Variants in PHF19 observed in about 807,000 individuals in gnomAD.
The protein encoded by PHF19 is PHD finger protein 19, also known as polycomb like 3.
PHF19 carries 21 observed loss-of-function variants against 79.8 expected under a neutral mutation model. That is an observed-to-expected ratio of 0.26 (90% CI 0.19 to 0.38). The LOEUF is 0.38. PHF19 is among the 10% of genes least tolerant of loss of function. The pLI, the probability that PHF19 is intolerant of heterozygous loss-of-function variation, is 1.00. For synonymous variants in PHF19, 273 were observed against 296.3 expected (o/e 0.92, Z 0.81); for missense variants, 445 against 744.2 (o/e 0.60, Z 4.68).
chr9:120,872,083 T>TCATCTCTG (rs2045920728), intron 3 of PHF19, among the ~76,000 whole-genome samples: 1 of 140,886 alleles, frequency 7.1e-6, no homozygotes, highest in Admixed American at 7.1e-5. Context: ...TGGTACCTCT[T>TCATCTCTG]CATCTCTGTA....
In PHF19 at chr9:120,860,086, T is replaced by G; in HGVS notation, c.1400+4A>C. 1 of 1,533,584 alleles carries G rather than the reference T, an allele frequency of 6.5e-7. No individual in the cohort carries two copies. The highest frequency in any genetic ancestry group is 9.0e-7 in the Non-Finnish European group (1 of 1,117,020). The allele number at this position is 1,533,584 out of a possible 1,614,324, so 95.0% of individuals were successfully genotyped here. On this transcript the variant is annotated splice_donor_region_variant and intron_variant, in intron 14 of 14. Coordinates refer to ENST00000373896, the MANE Select transcript of PHF19 (RefSeq NM_015651.3). This position sits in a 1 kb window ranked among gnomAD's most constrained non-coding sequence, Gnocchi z 4.1. ...TGTGAAGGCCAGACCTCTAGGAAGCTCACCTGGAGTCATAGGAGAGGCTGG... is the reference window on the plus strand; with the variant it reads ...TGTGAAGGCCAGACCTCTAGGAAGCGCACCTGGAGTCATAGGAGAGGCTGG...
upstream of PHF19, among the ~76,000 whole-genome samples, chr9:120,881,724 A>G (rs1481810533): frequency 1.3e-5 from 2 of 152,158 alleles, no homozygotes; most frequent in Non-Finnish European, 2.9e-5. Context: ...TACAGTGCAC[A>G]GTGTCCCCTC....
In PHF19 at chr9:120,862,697, T is replaced by C. The variant is rs746842572; in HGVS notation, c.1021A>G (p.Ile341Val). ...KKKKCIFRLR[I>V]RVPPNPPGKL... The stretch of plus-strand genomic sequence containing the variant: ...CCTGGCGGGTTGGGTGGGACGCGGA[T>C]GCGCAGGCGGAAGATGCACTTCTTC... The change falls in exon 11 of 15, where the codon ATC (isoleucine) becomes GTC (valine). Residue 341 changes from isoleucine (I) to valine (V), a missense_variant. Physicochemically the swap from Ile to Val is conservative, Grantham distance 29 (BLOSUM62 3). This residue lies in a region of PHF19 where 83 missense variants were observed against 85.5 expected (regional missense o/e 0.97). Transcript: ENST00000373896. This position sits in a 1 kb window ranked among gnomAD's most constrained non-coding sequence, Gnocchi z 4.6. The C allele has an allele frequency of 3.7e-6, 6 of 1,614,074 alleles. No homozygotes were observed. The African/African-American group carries it at 4.0e-5, about 11-fold the overall frequency.
Position 120,860,358 on chromosome 9 carries a change from T to C in PHF19, c.1305-173A>G. On this transcript the variant is annotated intron_variant, in intron 13 of 14. Coordinates refer to ENST00000373896, the MANE Select transcript of PHF19 (RefSeq NM_015651.3). The surrounding 1 kb of genome is among the most constrained non-coding windows in gnomAD (Gnocchi z 4.1). Reference sequence around the variant, plus strand: ...TTTCCTACCCAGCCACCCTTCAAAGTCCAAGAAGTCAAAAAAACCTCCTGG... The same window carrying C: ...TTTCCTACCCAGCCACCCTTCAAAGCCCAAGAAGTCAAAAAAACCTCCTGG... 1.7e-6 allele frequency: 1 copy of C among 581,726 alleles called. No individual in the cohort carries two copies. The highest frequency in any genetic ancestry group is 3.1e-6 in the Non-Finnish European group (1 of 323,352). The allele number at this position is 581,726 out of a possible 1,614,324, so 36.0% of individuals were successfully genotyped here. A position where few individuals can be genotyped will look rare whatever the true frequency, so the allele number is the denominator to read the frequency against.
chr9:120,870,081 C>T lies in PHF19; in HGVS notation c.365-136G>A. 3 of 1,291,312 alleles carry T rather than the reference C, an allele frequency of 2.3e-6. No individual in the cohort carries two copies. The highest frequency in any genetic ancestry group is 3.2e-6 in the Non-Finnish European group (3 of 950,600). 80.0% of individuals were successfully genotyped at this position (1,291,312 alleles called of 1,614,324 possible). A position where few individuals can be genotyped will look rare whatever the true frequency, so the allele number is the denominator to read the frequency against. On this transcript the variant is annotated intron_variant, in intron 4 of 14. Transcript: ENST00000373896. This position sits in a 1 kb window ranked among gnomAD's most constrained non-coding sequence, Gnocchi z 4.4. ...CTGCCAGCTGCCGGGAGCCTGGCTG[C>T]TGGTGCCCACCAAGATGGCCAAGTC...
upstream of PHF19, among the ~76,000 whole-genome samples, chr9:120,895,483 GATAAA>G (rs1288480115): frequency 3.8e-4 from 56 of 148,668 alleles, no homozygotes; most frequent in African/African-American, 1.2e-3. Flanking sequence ...AAAAAAAAAA[GATAAA>G]ATAAGAAAAC....
At chr9:120,878,863 G>A (rs1017172536), upstream of PHF19, among the ~76,000 whole-genome samples, 1 of 152,218 alleles carries the variant, frequency 6.6e-6, no homozygotes, top group Non-Finnish European at 1.5e-5. Flanking sequence ...ACTTAACCAT[G>A]TTCTGCCAAG....
chr9:120,902,594 C>G, the PHF19 span: 1 of 152,288 alleles, frequency 6.6e-6, no homozygotes, highest in Non-Finnish European at 1.5e-5. Flanking sequence ...CTCCCCCATC[C>G]TGCCACACAG....
rs901714879 is a variant in PHF19 at position 120,894,701 on chromosome 9, A to G, written c.42+87T>C. ...GCGAGCGCCGCTCAATGCGTTCCAT[A>G]TGGCGGCGGCGCGGGCCCACCCGGC... is the stretch of plus-strand genomic sequence containing the variant. On this transcript the variant is annotated intron_variant, in intron 1 of 14. Coordinates refer to the PHF19 transcript ENST00000616568. 9.5e-5 allele frequency: 50 copies of G among 528,094 alleles called. No individual in the cohort carries two copies. The Admixed American group carries it at 9.5e-4, about 10-fold the overall frequency. 32.7% of individuals were successfully genotyped at this position (528,094 alleles called of 1,614,324 possible). A position where few individuals can be genotyped will look rare whatever the true frequency, so the allele number is the denominator to read the frequency against.
the PHF19 span, chr9:120,902,258 A>C: frequency 1.3e-5 from 2 of 151,846 alleles, no homozygotes; most frequent in Non-Finnish European, 2.9e-5. Context: ...GTGTTTTAAA[A>C]ATCTCCCCAG....
chr9:120,855,651 TGATTGTTCAAAGGGA>T lies in PHF19; in HGVS notation c.*2278_*2292del, dbSNP rs2045348397. On this transcript the variant is annotated 3_prime_UTR_variant, in exon 15 of 15. Coordinates refer to ENST00000373896, the MANE Select transcript of PHF19 (RefSeq NM_015651.3). ...GCTAATTCACTATAGGGAAGACAAG[TGATTGTTCAAAGGGA>T]GGTTTTAAATCATAAATCAGACACA... 6.6e-6 allele frequency: 1 copy of T among 152,604 alleles called. No homozygotes were observed. Among genetic ancestry groups the T allele is most frequent in the South Asian group, 2.1e-4 (1 of 4,830 alleles). 9.5% of individuals were successfully genotyped at this position (152,604 alleles called of 1,614,324 possible). A position where few individuals can be genotyped will look rare whatever the true frequency, so the allele number is the denominator to read the frequency against.
At chr9:120,885,413 A>G (rs1276315435) in intron 1 of PHF19, among the ~76,000 whole-genome samples, 1 of 152,084 alleles carries the variant, frequency 6.6e-6, no homozygotes. Context: ...CCTCGTCTCT[A>G]CTAAAAGTAC....
Position 120,869,426 on chromosome 9 carries a change from T to G in PHF19, c.466-96A>C. The G allele has an allele frequency of 7.0e-7, 1 of 1,419,034 alleles. No individual in the cohort carries two copies. The highest frequency in any genetic ancestry group is 9.5e-7 in the Non-Finnish European group (1 of 1,054,282). 87.9% of individuals were successfully genotyped at this position (1,419,034 alleles called of 1,614,324 possible). A position where few individuals can be genotyped will look rare whatever the true frequency, so the allele number is the denominator to read the frequency against. The stretch of plus-strand genomic sequence containing the variant: ...TATTGAGGGAAGTGCTGCCAGGGCT[T>G]GGGGGACCCGCAGATATTCCAATAT... On this transcript the variant is annotated intron_variant, in intron 5 of 14. Transcript: ENST00000373896. The surrounding 1 kb of genome is among the most constrained non-coding windows in gnomAD (Gnocchi z 5.8).
Position 120,862,852 on chromosome 9 carries a change from A to G in PHF19, c.969-103T>C. 1 of 1,118,610 alleles carries G rather than the reference A, an allele frequency of 8.9e-7. No homozygotes were observed. Among genetic ancestry groups the G allele is most frequent in the Non-Finnish European group, 1.3e-6 (1 of 750,932 alleles). 69.3% of individuals were successfully genotyped at this position (1,118,610 alleles called of 1,614,324 possible). On this transcript the variant is annotated intron_variant, in intron 10 of 14. Coordinates refer to ENST00000373896, the MANE Select transcript of PHF19 (RefSeq NM_015651.3). The surrounding 1 kb of genome is among the most constrained non-coding windows in gnomAD (Gnocchi z 4.6). ...CAAGCCTCTCTGCCTCCTTGGACCC[A>G]GAGCTAAAATCCGGATGGTCTCTGC...
chr9:120,899,543 AC>A (rs2046424466), upstream of PHF19, among the ~76,000 whole-genome samples: 1 of 151,832 alleles, frequency 6.6e-6, no homozygotes, highest in Non-Finnish European at 1.5e-5. Context: ...TTACACTGGC[AC>A]CCCCACAGTG....
intron 14 of PHF19, among the ~76,000 whole-genome samples, chr9:120,858,821 A>ACACACT (rs2045426687): frequency 6.7e-6 from 1 of 149,710 alleles, no homozygotes; most frequent in Non-Finnish European, 1.5e-5. Context: ...TCACACACAC[A>ACACACT]CACACACACA....
chr9:120,858,062 T>G lies in PHF19; in HGVS notation c.1625A>C (p.Tyr542Ser). 6.2e-7 allele frequency: 1 copy of G among 1,613,262 alleles called. No individual in the cohort carries two copies. Among genetic ancestry groups the G allele is most frequent in the Non-Finnish European group, 8.5e-7 (1 of 1,179,218 alleles). Residue 542 changes from tyrosine (Y) to serine (S), a missense_variant, in exon 15 of 15, where the codon TAC becomes TCC. This residue lies in a region of PHF19 where 125 missense variants were observed against 180.5 expected (regional missense o/e 0.69). Coordinates refer to ENST00000373896, the MANE Select transcript of PHF19 (RefSeq NM_015651.3). ...LSHLKSSITN[Y>S]FGAAGRLACG... ...GGCCAACCGCCCAGCTGCACCAAAG[T>G]AGTTGGTGATAGATGACTTGAGGTG...
chr9:120,861,484 C>T (rs1172548496), intron 12 of PHF19, among the ~76,000 whole-genome samples: 2 of 152,192 alleles, frequency 1.3e-5, no homozygotes, highest in African/African-American at 4.8e-5. Flanking sequence ...TTAAATAATG[C>T]TTCTAAACCG....
chr9:120,885,958 C>T (rs1216228332), intron 1 of PHF19, among the ~76,000 whole-genome samples: 1 of 152,206 alleles, frequency 6.6e-6, no homozygotes, highest in Non-Finnish European at 1.5e-5. Context: ...CACTCTTTTA[C>T]AGCTCTCAGA....
Sources: allele counts gnomAD v4.1 joint callset (sites outside exome capture counted in the v4.1 genomes callset), GRCh38; gene constraint gnomAD v4.1.1; regional missense constraint gnomAD v4.1.1; non-coding constraint Gnocchi (gnomAD v3.1); transcripts MANE v1.5; gene names NCBI Gene and HGNC (gene_info 2026-07-23, HGNC 2026-07-21).